GAB2: variants seen among roughly 807,000 people sequenced by gnomAD.
GAB2 encodes GRB2 associated binding protein 2.
A neutral mutation model predicts 65.5 loss-of-function variants in GAB2; 26 were observed. The observed-to-expected ratio is 0.40, with a 90% confidence interval of 0.29 to 0.55. GAB2 has a LOEUF of 0.55. Ranked by LOEUF, GAB2 falls within the 20% of genes least tolerant of loss-of-function variation. GAB2 has a pLI of 0.53. For synonymous variants in GAB2, 321 were observed against 329.6 expected, an observed-to-expected ratio of 0.97 and a Z score of 0.28; for missense variants, 884 against 875.8, an observed-to-expected ratio of 1.01 and a Z score of -0.12.
chr11:78,246,384 A>G (rs1455099674), intron 3 of GAB2, among the ~76,000 whole-genome samples: 7 of 152,124 alleles, frequency 4.6e-5, no homozygotes, highest in Non-Finnish European at 8.8e-5. Flanking sequence ...AGAATGGGTT[A>G]TATTTTTCTG....
intron 8 of GAB2, 56 bp from the exon 9 acceptor site, chr11:78,220,500 C>A: frequency 6.8e-7 from 1 of 1,477,924 alleles, no homozygotes; most frequent in Non-Finnish European, 9.1e-7. Flanking sequence ...TAACCCACCA[C>A]CCAGAAAAAC....
At chr11:78,272,091 GTCTC>G (rs370569492) in intron 2 of GAB2, among the ~76,000 whole-genome samples, 2 of 152,170 alleles carry the variant, frequency 1.3e-5, no homozygotes, top group African/African-American at 2.4e-5. Flanking sequence ...ACTCCATTAT[GTCTC>G]TCTCTCTTTT....
chr11:78,253,885 G>A (rs1032910765), intron 2 of GAB2, among the ~76,000 whole-genome samples: 1 of 152,110 alleles, frequency 6.6e-6, no homozygotes, highest in Non-Finnish European at 1.5e-5. Flanking sequence ...GAATAAAGTC[G>A]AGTTTCCTCA....
chr11:78,410,663 G>A (rs1407071068), intron 1 of GAB2, among the ~76,000 whole-genome samples: 1 of 152,160 alleles, frequency 6.6e-6, no homozygotes, highest in East Asian at 1.9e-4. Flanking sequence ...AGACAAAATG[G>A]ACCAATTTGT....
chr11:78,274,161 G>T (rs1050373120), intron 2 of GAB2, among the ~76,000 whole-genome samples: 4 of 152,172 alleles, frequency 2.6e-5, no homozygotes, highest in African/African-American at 9.7e-5. Flanking sequence ...TGTAGTCCCA[G>T]TTACTTGGAG....
At position 78,267,857 on chromosome 11, in the gene GAB2, C is replaced by CAAAAAAAAAAAAAAAAAAAA. The variant is rs751533828; in HGVS notation, c.376+12724_376+12743dup. On this transcript the variant is annotated intron_variant, in intron 2 of 9. Transcript: ENST00000361507. ...TGGGTGATAGAGCGAGACTCCGTCT[C>CAAAAAAAAAAAAAAAAAAAA]AAAAAAAAAAAAAAAAAAAAAAAAG... is the stretch of plus-strand genomic sequence containing the variant. Among the ~76,000 whole-genome samples, 208 of 32,768 alleles carry CAAAAAAAAAAAAAAAAAAAA rather than the reference C, an allele frequency of 6.3e-3. 13 individuals are homozygous for CAAAAAAAAAAAAAAAAAAAA. Among genetic ancestry groups the CAAAAAAAAAAAAAAAAAAAA allele is most frequent in the East Asian group, 0.023 (14 of 612 alleles). The allele number at this position is 32,768 out of a possible 152,430, so 21.5% of individuals were successfully genotyped here.
intron 2 of GAB2, among the ~76,000 whole-genome samples, chr11:78,259,884 C>T (rs527850554): frequency 9.2e-5 from 14 of 152,282 alleles, no homozygotes; most frequent in Admixed American, 6.5e-4. Context: ...AAAGATGTAT[C>T]GCTATGAATG....
chr11:78,243,806 T>C (rs984276573), intron 3 of GAB2, among the ~76,000 whole-genome samples: 1 of 152,126 alleles, frequency 6.6e-6, no homozygotes, highest in Non-Finnish European at 1.5e-5. Flanking sequence ...ATCGCGCCAC[T>C]GCACTCCAGC....
At chr11:78,268,053 G>A (rs1865913900) in intron 2 of GAB2, among the ~76,000 whole-genome samples, 2 of 152,032 alleles carry the variant, frequency 1.3e-5, no homozygotes, top group South Asian at 2.1e-4. Flanking sequence ...CTCACATTGT[G>A]TGCCAGCCTT....
At chr11:78,271,863 G>A (rs1016374443) in intron 2 of GAB2, among the ~76,000 whole-genome samples, 2 of 152,218 alleles carry the variant, frequency 1.3e-5, no homozygotes, top group Middle Eastern at 3.2e-3. Context: ...CGTGTTGTGG[G>A]AGGGATCCAG....
intron 1 of GAB2, among the ~76,000 whole-genome samples, chr11:78,398,146 C>G (rs1221958455): frequency 6.6e-6 from 1 of 152,196 alleles, no homozygotes; most frequent in Admixed American, 6.5e-5. Flanking sequence ...TTAGCACTTT[C>G]CCCTGCTCTT....
intron 2 of GAB2, among the ~76,000 whole-genome samples, chr11:78,264,587 A>T (rs1011097947): frequency 2.1e-5 from 3 of 145,204 alleles, no homozygotes; most frequent in Non-Finnish European, 4.6e-5. Context: ...TTTTTTTTTT[A>T]GTAGTGTCGG....
rs892699504 is a variant in GAB2 at position 78,358,280 on chromosome 11, C to A, written c.75+59366G>T. Among the ~76,000 whole-genome samples, 10 of 111,712 alleles carry A rather than the reference C, an allele frequency of 9.0e-5. No individual in the cohort carries two copies. In the South Asian group the frequency reaches 2.9e-3, roughly 32 times the overall value. The allele number at this position is 111,712 out of a possible 152,430, so 73.3% of individuals were successfully genotyped here. ...TGGACACAGGAAGGGGAACATCACA[C>A]ACCGGGGCCTGTTGTGGGGTGGGGG... On this transcript the variant is annotated intron_variant, in intron 1 of 9. Coordinates refer to ENST00000361507, the MANE Select transcript of GAB2 (RefSeq NM_080491.3).
intron 3 of GAB2, among the ~76,000 whole-genome samples, chr11:78,248,472 T>G (rs1322759073): frequency 6.6e-6 from 1 of 152,220 alleles, no homozygotes; most frequent in African/African-American, 2.4e-5. Context: ...TTCAGTAAGA[T>G]CTTCAGGTAT....
At chr11:78,366,086 G>A (rs187820935) in intron 1 of GAB2, among the ~76,000 whole-genome samples, 1 of 152,344 alleles carries the variant, frequency 6.6e-6, no homozygotes, top group Admixed American at 6.5e-5. Context: ...ATAAGGTGGT[G>A]TAGAGTTCTA....
chr11:78,227,537 G>A lies in GAB2; in HGVS notation c.621-486C>T, dbSNP rs536124471. Among the ~76,000 whole-genome samples, 5 of 150,524 alleles carry A rather than the reference G, an allele frequency of 3.3e-5. No individual in the cohort carries two copies. In the East Asian group the frequency reaches 1.0e-3, roughly 30 times the overall value. The stretch of plus-strand genomic sequence containing the variant: ...GTGCAGTGTGCAGTGGCTCATGACT[G>A]TAATCCCTGCACTTTGGGAGGCTGA... On this transcript the variant is annotated intron_variant, in intron 3 of 9. Transcript: ENST00000361507.
intron 1 of GAB2, among the ~76,000 whole-genome samples, chr11:78,371,167 ACT>A (rs1440143729): frequency 2.6e-5 from 4 of 152,210 alleles, no homozygotes; most frequent in Non-Finnish European, 1.5e-5. Context: ...CGATAGACAC[ACT>A]GAGTCTCACA....
intron 1 of GAB2, among the ~76,000 whole-genome samples, chr11:78,382,664 C>T (rs2134740360): frequency 6.6e-6 from 1 of 152,260 alleles, no homozygotes; most frequent in East Asian, 1.9e-4. Context: ...CAATGCATTC[C>T]TTCCTTTTCA....
intron 1 of GAB2, among the ~76,000 whole-genome samples, chr11:78,357,728 A>T (rs1430421321): frequency 2.6e-5 from 4 of 152,244 alleles, no homozygotes; most frequent in Non-Finnish European, 5.9e-5. Context: ...ACAAATGCAA[A>T]TCAAAACCAC....
Sources: allele counts gnomAD v4.1 joint callset (sites outside exome capture counted in the v4.1 genomes callset), GRCh38; gene constraint gnomAD v4.1.1; transcripts MANE v1.5; gene names NCBI Gene and HGNC (gene_info 2026-07-23, HGNC 2026-07-21).